SMYD3: variants seen among roughly 807,000 people sequenced by gnomAD.
SMYD3 encodes histone-lysine N-methyltransferase SMYD3.
In SMYD3, 36 loss-of-function variants were observed where a neutral mutation model predicts 57.7. The observed-to-expected ratio is 0.62, with a 90% confidence interval of 0.48 to 0.82. The LOEUF is 0.82. SMYD3 is among the 40% of genes least tolerant of loss of function. The probability of loss-of-function intolerance (pLI) is 0.00; values close to 1 mark genes in which losing one functional copy is unlikely to be tolerated. For missense variants in SMYD3, 515 were observed against 538.8 expected (o/e 0.96, Z 0.44); for synonymous variants, 211 against 195.0 (o/e 1.08, Z -0.68).
intron 5 of SMYD3, among the ~76,000 whole-genome samples, chr1:246,312,344 A>G (rs528254694): frequency 2.0e-5 from 3 of 152,294 alleles, no homozygotes; most frequent in African/African-American, 7.2e-5. Flanking sequence ...TCAGGGAAAC[A>G]GTGAGAGGCA....
intron 1 of SMYD3, among the ~76,000 whole-genome samples, chr1:246,402,695 G>C (rs2066792611): frequency 6.6e-6 from 1 of 152,140 alleles, no homozygotes; most frequent in South Asian, 2.1e-4. Context: ...CTAAACAACT[G>C]AAGTGTAATC....
At chr1:246,003,344 TGGGACTTATCATGACCTAATCAAA>T (rs1558574972) in intron 5 of SMYD3, among the ~76,000 whole-genome samples, 1 of 152,232 alleles carries the variant, frequency 6.6e-6, no homozygotes, top group East Asian at 1.9e-4. Flanking sequence ...GGTGGAGCGG[TGGGACTTATCATGACCTAATCAAA>T]CTCTTTTAGG....
rs184595113 is a variant in SMYD3, at chr1:246,001,290, T to C, written c.532-71353A>G. 2.0e-3 allele frequency among the ~76,000 whole-genome samples: 303 copies of C among 152,266 alleles called. 4 individuals are homozygous for C. The highest frequency in any genetic ancestry group is 0.01 in the Middle Eastern group (3 of 294). Reference sequence around the variant, plus strand: ...AAGTTTTATGTCAAGAGAAGATGAATTGCTCCAAGGAGAAAAATATGCCAG... The same window carrying C: ...AAGTTTTATGTCAAGAGAAGATGAACTGCTCCAAGGAGAAAAATATGCCAG... On this transcript the variant is annotated intron_variant, in intron 5 of 11. Coordinates refer to ENST00000490107, the MANE Select transcript of SMYD3 (RefSeq NM_001167740.2).
intron 5 of SMYD3, among the ~76,000 whole-genome samples, chr1:246,030,171 T>G (rs1359571930): frequency 6.6e-6 from 1 of 152,138 alleles, no homozygotes; most frequent in Non-Finnish European, 1.5e-5. Context: ...CACTCTACTT[T>G]CACGCATGAA....
At chr1:245,992,485 C>A (rs1271889406) in intron 5 of SMYD3, among the ~76,000 whole-genome samples, 1 of 152,216 alleles carries the variant, frequency 6.6e-6, no homozygotes, top group African/African-American at 2.4e-5. Context: ...CAGCATGGTT[C>A]TAGAATGGCA....
chr1:245,897,253 C>CT (rs1230000005), intron 8 of SMYD3, among the ~76,000 whole-genome samples: 2 of 152,188 alleles, frequency 1.3e-5, no homozygotes, highest in Non-Finnish European at 2.9e-5. Context: ...TAAGGGAGCT[C>CT]TAAGTTTAAA....
intron 5 of SMYD3, chr1:246,326,286 AAC>A (rs750566073): frequency 9.8e-5 from 58 of 590,464 alleles, no homozygotes; most frequent in Non-Finnish European, 1.5e-4. Flanking sequence ...AACAAATGCA[AAC>A]ACACAATGTG....
At chr1:245,872,141 G>A (rs553108829) in intron 8 of SMYD3, among the ~76,000 whole-genome samples, 1 of 152,350 alleles carries the variant, frequency 6.6e-6, no homozygotes, top group South Asian at 2.1e-4. Context: ...GAGCGTAACT[G>A]TGATGCAGAT....
chr1:246,411,975 T>TAA (rs59193144), intron 1 of SMYD3, among the ~76,000 whole-genome samples: 17 of 60,364 alleles, frequency 2.8e-4, no homozygotes, highest in African/African-American at 3.6e-4. Flanking sequence ...TAAAGTATAA[T>TAA]AAAAAAAAAA....
At chr1:245,973,653 C>T (rs1002941093) in intron 5 of SMYD3, among the ~76,000 whole-genome samples, 2 of 152,192 alleles carry the variant, frequency 1.3e-5, no homozygotes, top group Non-Finnish European at 1.5e-5. Flanking sequence ...TTCTAGTGCA[C>T]CCATCAGTTG....
At chr1:246,399,052 T>G (rs2066723543) in intron 1 of SMYD3, among the ~76,000 whole-genome samples, 1 of 152,200 alleles carries the variant, frequency 6.6e-6, no homozygotes. Context: ...GACAGAGTCT[T>G]GCTCTGTCTC....
intron 1 of SMYD3, among the ~76,000 whole-genome samples, chr1:246,415,325 G>A (rs1442980690): frequency 1.3e-5 from 2 of 152,078 alleles, no homozygotes; most frequent in African/African-American, 4.8e-5. Context: ...CAAGTGTTGT[G>A]GGCTCACCCC....
intron 10 of SMYD3, among the ~76,000 whole-genome samples, chr1:245,819,206 A>T (rs2049019103): frequency 7.2e-6 from 1 of 139,754 alleles, no homozygotes; most frequent in African/African-American, 2.7e-5. Context: ...CTCAGACCAC[A>T]GTGCAATCAA....
chr1:245,998,724 T>C (rs944865283), intron 5 of SMYD3, among the ~76,000 whole-genome samples: 2 of 152,166 alleles, frequency 1.3e-5, no homozygotes, highest in Non-Finnish European at 2.9e-5. Flanking sequence ...TCATCGAACA[T>C]TATTCAATTT....
chr1:246,159,516 G>C (rs959581338), intron 5 of SMYD3, among the ~76,000 whole-genome samples: 1 of 152,004 alleles, frequency 6.6e-6, no homozygotes, highest in Non-Finnish European at 1.5e-5. Flanking sequence ...TAAAGCTAAG[G>C]AAGTTTCTTG....
intron 2 of SMYD3, among the ~76,000 whole-genome samples, chr1:246,339,306 A>G (rs2065594027): frequency 6.6e-6 from 1 of 152,228 alleles, no homozygotes; most frequent in Admixed American, 6.5e-5. Flanking sequence ...CTTCCAGTCT[A>G]ATACCTCAGC....
intron 5 of SMYD3, among the ~76,000 whole-genome samples, chr1:246,110,288 A>G (rs1014327667): frequency 1.4e-4 from 22 of 152,164 alleles, no homozygotes; most frequent in Non-Finnish European, 2.4e-4. Context: ...CTTCATCTGT[A>G]AAGAGTTCAT....
intron 1 of SMYD3, 63 bp downstream of exon 1, chr1:246,506,991 C>CCCCCCCCCCCCCCCCCCCCCCCCCCA: frequency 2.5e-6 from 2 of 815,392 alleles, no homozygotes; most frequent in Non-Finnish European, 1.7e-6. Context: ...CGCCCGACGC[C>CCCCCCCCCCCCCCCCCCCCCCCCCCA]CCCCCCTCCC....
intron 5 of SMYD3, among the ~76,000 whole-genome samples, chr1:246,173,462 AC>A (rs1461931514): frequency 1.3e-5 from 2 of 152,230 alleles, no homozygotes; most frequent in African/African-American, 2.4e-5. Flanking sequence ...ACTTTTTTTA[AC>A]CTTTTGACTC....
Sources: gnomAD v4.1 joint callset for allele counts (sites outside exome capture counted in the v4.1 genomes callset) on GRCh38, gnomAD v4.1.1 for gene constraint, MANE v1.5 for transcripts, NCBI Gene and HGNC (gene_info 2026-07-23, HGNC 2026-07-21) for gene names.